The following SKIC3 variants were observed in gnomAD, a reference collection of about 807,000 sequenced individuals.
The protein encoded by SKIC3 is superkiller complex protein 3.
chr5:95,464,791 T>A, the SKIC3 span: 6 of 802,984 alleles, frequency 7.5e-6, no homozygotes, highest in South Asian at 8.8e-5. Context: ...AAAGGCAACA[T>A]CAAACTATAC....
chr5:95,534,244 A>G, the SKIC3 span, among the ~76,000 whole-genome samples: 1 of 152,000 alleles, frequency 6.6e-6, no homozygotes, highest in Non-Finnish European at 1.5e-5. Context: ...AGACTTCCTA[A>G]GTATGCTCCT....
the SKIC3 span, among the ~76,000 whole-genome samples, chr5:95,485,768 C>T: frequency 2.0e-5 from 3 of 152,094 alleles, no homozygotes; most frequent in Admixed American, 6.6e-5. Context: ...TAGATGCATT[C>T]GGTGCTCGCC....
At chr5:95,545,998 T>C in the SKIC3 span, among the ~76,000 whole-genome samples, 1 of 152,114 alleles carries the variant, frequency 6.6e-6, no homozygotes, top group Admixed American at 6.6e-5. Flanking sequence ...ATCTTTAACC[T>C]TTGGTTTCTC....
the SKIC3 span, chr5:95,482,631 T>A: frequency 6.2e-7 from 1 of 1,613,762 alleles, no homozygotes; most frequent in Admixed American, 1.7e-5. Context: ...CTTTTTAAAT[T>A]CTAGAAATCA....
the SKIC3 span, among the ~76,000 whole-genome samples, chr5:95,552,703 T>A: frequency 2.0e-4 from 30 of 151,922 alleles, no homozygotes; most frequent in South Asian, 3.8e-3. Context: ...GGGAGGGAAG[T>A]AGGCAGTGAG....
the SKIC3 span, chr5:95,540,699 A>C: frequency 1.2e-6 from 2 of 1,614,040 alleles, no homozygotes. Context: ...CCAATTGCTG[A>C]GTTTCATTAT....
chr5:95,517,196 T>C, the SKIC3 span: 1 of 1,613,444 alleles, frequency 6.2e-7, no homozygotes, highest in Non-Finnish European at 8.5e-7. Context: ...GTTTTCCTTC[T>C]TTCTGACCTA....
the SKIC3 span, chr5:95,536,523 C>A: frequency 2.8e-6 from 1 of 359,944 alleles, no homozygotes; most frequent in South Asian, 3.1e-5. Flanking sequence ...TCACCTACTC[C>A]TGTTTACCTA....
chr5:95,478,447 G>A, the SKIC3 span: 1 of 1,613,520 alleles, frequency 6.2e-7, no homozygotes, highest in Non-Finnish European at 8.5e-7. Flanking sequence ...CAGCCACTAA[G>A]AAACAAAAAA....
chr5:95,482,170 C>G, the SKIC3 span, among the ~76,000 whole-genome samples: 1 of 152,044 alleles, frequency 6.6e-6, no homozygotes, highest in Non-Finnish European at 1.5e-5. Flanking sequence ...ATTATGATAC[C>G]CTTATTATAA....
the SKIC3 span, among the ~76,000 whole-genome samples, chr5:95,467,038 G>T: frequency 6.6e-6 from 1 of 152,118 alleles, no homozygotes; most frequent in Non-Finnish European, 1.5e-5. Flanking sequence ...ACTGCTTTAG[G>T]TTGGGTTTAG....
chr5:95,487,220 T>A, the SKIC3 span, among the ~76,000 whole-genome samples: 3 of 152,314 alleles, frequency 2.0e-5, no homozygotes, highest in African/African-American at 7.2e-5. Flanking sequence ...GGGCTGGGAC[T>A]GGCTCTCCTT....
chr5:95,493,776 T>C, the SKIC3 span, among the ~76,000 whole-genome samples: 1 of 151,696 alleles, frequency 6.6e-6, no homozygotes, highest in Non-Finnish European at 1.5e-5. Context: ...ATCTGAAGAG[T>C]TAAAAGGGAA....
At chr5:95,520,953 T>C in the SKIC3 span, 1 of 674,574 alleles carries the variant, frequency 1.5e-6, no homozygotes, top group Non-Finnish European at 2.6e-6. Context: ...TATAAAATTA[T>C]CTTAAAGCAT....
chr5:95,510,750 C>T, the SKIC3 span, among the ~76,000 whole-genome samples: 5 of 152,228 alleles, frequency 3.3e-5, no homozygotes, highest in East Asian at 9.7e-4. Flanking sequence ...AGACTGATTT[C>T]GGTAATAATA....
At chr5:95,530,338 C>A in the SKIC3 span, 1 of 1,199,640 alleles carries the variant, frequency 8.3e-7, no homozygotes, top group Non-Finnish European at 1.2e-6. Flanking sequence ...GCATTCTTCA[C>A]CACATGCTGA....
chr5:95,522,968 T>C, the SKIC3 span, among the ~76,000 whole-genome samples: 1 of 152,184 alleles, frequency 6.6e-6, no homozygotes, highest in Non-Finnish European at 1.5e-5. Flanking sequence ...AGAACTACTA[T>C]ACATATGTAT....
At chr5:95,529,294 G>T in the SKIC3 span, 22 of 639,098 alleles carry the variant, frequency 3.4e-5, no homozygotes, top group Admixed American at 1.1e-4. Flanking sequence ...CGTCAGTTCA[G>T]ACCTCCACCA....
chr5:95,516,774 A>G, the SKIC3 span: 50 of 1,609,442 alleles, frequency 3.1e-5, no homozygotes, highest in Non-Finnish European at 4.2e-5. Context: ...AAATTAGATT[A>G]ATTTTTATTT....
Sources: allele counts gnomAD v4.1 joint callset (sites outside exome capture counted in the v4.1 genomes callset), GRCh38; gene constraint gnomAD v4.1.1; transcripts MANE v1.5; gene names NCBI Gene and HGNC (gene_info 2026-07-23, HGNC 2026-07-21).